The following CNTNAP5 variants were observed in gnomAD, a reference collection of about 807,000 sequenced individuals.
CNTNAP5 encodes contactin-associated protein-like 5.
Under a neutral mutation model 150.2 loss-of-function variants are expected in CNTNAP5, and 72 were observed. The observed-to-expected ratio is 0.48, with a 90% confidence interval of 0.40 to 0.58. The LOEUF (loss-of-function observed/expected upper bound fraction) is 0.58. CNTNAP5 is among the 20% of genes least tolerant of loss of function. The pLI is 0.00. For synonymous variants in CNTNAP5, 672 were observed against 619.8 expected (o/e 1.08, Z -1.25); for missense variants, 1,636 against 1,626.2 (o/e 1.01, Z -0.10).
At chr2:124,403,921 C>G (rs1691498314) in intron 3 of CNTNAP5, among the ~76,000 whole-genome samples, 2 of 152,180 alleles carry the variant, frequency 1.3e-5, no homozygotes, top group Non-Finnish European at 2.9e-5. Context: ...CTAAAACTAT[C>G]AGGTCTCGTG....
intron 8 of CNTNAP5, 145 bp downstream of exon 8, chr2:124,504,701 G>A (rs1694360956): frequency 3.4e-6 from 2 of 593,844 alleles, no homozygotes; most frequent in African/African-American, 2.0e-5. Flanking sequence ...TGAAGAGGCA[G>A]CATTTTTTTT....
intron 11 of CNTNAP5, among the ~76,000 whole-genome samples, chr2:124,584,484 G>A (rs887953946): frequency 3.3e-5 from 5 of 152,134 alleles, no homozygotes; most frequent in Non-Finnish European, 7.4e-5. Flanking sequence ...TATCCTCTAA[G>A]TGTAGCTCAT....
At chr2:124,478,618 A>G (rs1472414555) in intron 7 of CNTNAP5, among the ~76,000 whole-genome samples, 2 of 152,168 alleles carry the variant, frequency 1.3e-5, no homozygotes, top group African/African-American at 4.8e-5. Flanking sequence ...ATACCGAAGT[A>G]CAAACTCTTT....
chr2:124,637,919 T>C (rs73952853), intron 12 of CNTNAP5, among the ~76,000 whole-genome samples: 14,386 of 152,106 alleles, frequency 0.095, 977 homozygotes, highest in African/African-American at 0.19. Context: ...GAACTTTCCC[T>C]ACCCTAGAAC....
intron 14 of CNTNAP5, among the ~76,000 whole-genome samples, chr2:124,749,319 G>A (rs1680671268): frequency 6.6e-6 from 1 of 151,782 alleles, no homozygotes; most frequent in Non-Finnish European, 1.5e-5. Context: ...AGTTACTCTT[G>A]ACTCTGACCC....
intron 13 of CNTNAP5, among the ~76,000 whole-genome samples, chr2:124,746,094 T>C (rs1187450044): frequency 6.6e-6 from 1 of 152,236 alleles, no homozygotes; most frequent in Non-Finnish European, 1.5e-5. Flanking sequence ...TTGCAAATGA[T>C]ATAAAGTGGC....
rs111829368 is a variant in CNTNAP5 at position 124,523,117 on chromosome 2, A to C, written c.1328-1186A>C. 1.6e-3 allele frequency among the ~76,000 whole-genome samples: 240 copies of C among 152,302 alleles called. 1 individual carries two copies. The highest frequency in any genetic ancestry group is 5.6e-3 in the African/African-American group (231 of 41,566). ...ATGTTAATATCCATACCCTCTAATGACAAAGACCATCTCGTATTTGCAGCT... is the reference window on the plus strand; with the variant it reads ...ATGTTAATATCCATACCCTCTAATGCCAAAGACCATCTCGTATTTGCAGCT... On this transcript the variant is annotated intron_variant, in intron 8 of 23. Coordinates refer to ENST00000682447, the MANE Select transcript of CNTNAP5 (RefSeq NM_001367498.1).
At chr2:124,026,008 T>C (rs1435224419) in intron 1 of CNTNAP5, among the ~76,000 whole-genome samples, 1 of 152,166 alleles carries the variant, frequency 6.6e-6, no homozygotes, top group Admixed American at 6.5e-5. Context: ...AGCTCCGCGT[T>C]CCATGCCTGC....
intron 3 of CNTNAP5, among the ~76,000 whole-genome samples, chr2:124,291,558 A>G (rs547718403): frequency 6.6e-6 from 1 of 151,466 alleles, no homozygotes; most frequent in African/African-American, 2.4e-5. Context: ...TTTTTTTTAT[A>G]TGCGTAGACC....
At position 124,725,700 on chromosome 2, in the gene CNTNAP5, C is replaced by T. The variant is rs189258840; in HGVS notation, c.2078-21529C>T. ...TGCATAACTGAAACTTTGTACTCTT[C>T]GAACGACATGTCTCTACTTTCCCTA... On this transcript the variant is annotated intron_variant, in intron 13 of 23. Transcript: ENST00000682447. 2.3e-3 allele frequency among the ~76,000 whole-genome samples: 345 copies of T among 152,090 alleles called. 4 individuals carry two copies. The highest frequency in any genetic ancestry group is 7.9e-3 in the African/African-American group (327 of 41,514).
chr2:124,377,875 C>A (rs1690690876), intron 3 of CNTNAP5, among the ~76,000 whole-genome samples: 1 of 151,942 alleles, frequency 6.6e-6, no homozygotes, highest in South Asian at 2.1e-4. Context: ...GAAGGAAAAA[C>A]TTTCACATCC....
chr2:124,136,096 C>T (rs1285589076), intron 1 of CNTNAP5, among the ~76,000 whole-genome samples: 3 of 151,930 alleles, frequency 2.0e-5, no homozygotes, highest in African/African-American at 4.9e-5. Context: ...TGTCCAATTT[C>T]CAATTAAATA....
intron 1 of CNTNAP5, among the ~76,000 whole-genome samples, chr2:124,178,196 A>G (rs558328200): frequency 2.7e-5 from 4 of 150,854 alleles, no homozygotes; most frequent in Admixed American, 2.0e-4. Flanking sequence ...CTTCTTGTCA[A>G]CTCCTGGGTT....
At chr2:124,201,113 T>G (rs1361374423) in intron 1 of CNTNAP5, among the ~76,000 whole-genome samples, 1 of 152,182 alleles carries the variant, frequency 6.6e-6, no homozygotes, top group Non-Finnish European at 1.5e-5. Flanking sequence ...ATTTAATTAC[T>G]CCTCATTTCT....
chr2:124,834,479 G>A (rs967465396), intron 19 of CNTNAP5, among the ~76,000 whole-genome samples: 2 of 152,140 alleles, frequency 1.3e-5, no homozygotes, highest in African/African-American at 2.4e-5. Flanking sequence ...TCCACACAGA[G>A]AGAAGTAGTT....
At chr2:124,419,163 A>AAAAAAAAAAAAAAAAC (rs1692017234) in intron 4 of CNTNAP5, among the ~76,000 whole-genome samples, 1 of 131,378 alleles carries the variant, frequency 7.6e-6, no homozygotes, top group Admixed American at 7.9e-5. Context: ...AAAAAAAAAA[A>AAAAAAAAAAAAAAAAC]CAGTATGAAG....
At chr2:124,819,393 A>C (rs1270168785) in intron 19 of CNTNAP5, among the ~76,000 whole-genome samples, 4 of 152,116 alleles carry the variant, frequency 2.6e-5, no homozygotes, top group Admixed American at 1.3e-4. Context: ...AAATTTTTCC[A>C]GCAAATAACA....
At chr2:124,786,645 A>T (rs1681604669) in intron 17 of CNTNAP5, among the ~76,000 whole-genome samples, 1 of 152,132 alleles carries the variant, frequency 6.6e-6, no homozygotes, top group Non-Finnish European at 1.5e-5. Context: ...AGAGAGAAGC[A>T]AATGGATTCA....
chr2:124,272,408 C>A (rs1309407331), intron 3 of CNTNAP5, among the ~76,000 whole-genome samples: 1 of 152,154 alleles, frequency 6.6e-6, no homozygotes, highest in East Asian at 1.9e-4. Flanking sequence ...CATATATATA[C>A]CAGACATTTT....
Sources: allele counts gnomAD v4.1 joint callset (sites outside exome capture counted in the v4.1 genomes callset), GRCh38; gene constraint gnomAD v4.1.1; transcripts MANE v1.5; gene names NCBI Gene and HGNC (gene_info 2026-07-23, HGNC 2026-07-21).